The following SOX6 variants were observed in gnomAD, a reference collection of about 807,000 sequenced individuals.
SOX6 encodes the protein SRY-box transcription factor 6.
In SOX6, 11 loss-of-function variants were observed where a neutral mutation model predicts 97.8. The observed-to-expected ratio is 0.11, with a 90% CI of 0.07 to 0.19. The LOEUF is 0.19. Among genes scored for constraint, SOX6 ranks in the 10% least tolerant of loss-of-function variants. The pLI is 1.00. For missense variants in SOX6, 810 were observed against 1,039.5 expected, an observed-to-expected ratio of 0.78 and a Z score of 3.04; for synonymous variants, 360 against 371.4, an observed-to-expected ratio of 0.97 and a Z score of 0.35.
At chr11:16,366,471 G>A (rs1267790956) in intron 1 of SOX6, among the ~76,000 whole-genome samples, 1 of 152,018 alleles carries the variant, frequency 6.6e-6, no homozygotes, top group Non-Finnish European at 1.5e-5. Context: ...ACAGGTATGG[G>A]TAATATTATC....
At chr11:16,180,419 T>A (rs1851316831) in intron 6 of SOX6, among the ~76,000 whole-genome samples, 1 of 151,746 alleles carries the variant, frequency 6.6e-6, no homozygotes, top group African/African-American at 2.4e-5. Context: ...AGATCCATAT[T>A]CCATGACCTA....
At chr11:16,407,066 A>G (rs1019588051) in intron 1 of SOX6, among the ~76,000 whole-genome samples, 1 of 152,110 alleles carries the variant, frequency 6.6e-6, no homozygotes, top group Non-Finnish European at 1.5e-5. Context: ...TTTCAAAACT[A>G]CAAACTTTTT....
At chr11:16,379,626 T>C (rs1857749265) in intron 1 of SOX6, among the ~76,000 whole-genome samples, 1 of 151,954 alleles carries the variant, frequency 6.6e-6, no homozygotes, top group African/African-American at 2.4e-5. Context: ...TGAGGAAAAA[T>C]GAGTACTCTT....
intron 2 of SOX6, among the ~76,000 whole-genome samples, chr11:16,721,272 G>A (rs1564877163): frequency 6.6e-6 from 1 of 152,168 alleles, no homozygotes; most frequent in Non-Finnish European, 1.5e-5. Context: ...TTGGCACTAT[G>A]GAATGTGAAC....
intron 1 of SOX6, among the ~76,000 whole-genome samples, chr11:16,392,970 CT>C (rs1286661009): frequency 6.6e-6 from 1 of 152,058 alleles, no homozygotes; most frequent in African/African-American, 2.4e-5. Flanking sequence ...ACATTTTAAC[CT>C]GTCAAGTCCC....
intron 3 of SOX6, chr11:16,318,150 A>ACTG (rs1855806616): frequency 7.1e-6 from 3 of 423,992 alleles, no homozygotes; most frequent in Non-Finnish European, 1.3e-5. Flanking sequence ...AGTTGCAGTT[A>ACTG]GGAAAATTCT....
rs1649743809 is a variant in SOX6 at position 16,095,977 on chromosome 11, T to C, written c.1101+19A>G. On this transcript the variant is annotated intron_variant, in intron 9 of 15. Coordinates refer to ENST00000683767, the MANE Select transcript of SOX6 (RefSeq NM_001367873.1). ...ATCCAGTCCCCAACCCAATGAAGCA[T>C]CAATGGAAGCATTCATACCTCAATC... The C allele has an allele frequency of 2.5e-6, 4 of 1,574,644 alleles. No individual in the cohort carries two copies. The highest frequency in any genetic ancestry group is 3.5e-6 in the Non-Finnish European group (4 of 1,153,904).
intron 3 of SOX6, among the ~76,000 whole-genome samples, chr11:16,661,918 T>G (rs1307413497): frequency 6.6e-6 from 1 of 152,202 alleles, no homozygotes; most frequent in African/African-American, 2.4e-5. Flanking sequence ...GATATCCTTA[T>G]AGCAGATTAT....
intron 12 of SOX6, chr11:16,015,311 C>T: frequency 2.0e-6 from 1 of 503,408 alleles, no homozygotes; most frequent in Non-Finnish European, 3.6e-6. Context: ...CATATCTTCT[C>T]TCTGTCGGAT....
chr11:16,030,406 A>T (rs1261328010), intron 12 of SOX6, among the ~76,000 whole-genome samples: 3 of 152,328 alleles, frequency 2.0e-5, no homozygotes, highest in African/African-American at 7.2e-5. Flanking sequence ...TATTGTTCTA[A>T]ACAGTTACAT....
At chr11:16,425,442 C>T (rs550557136) in intron 1 of SOX6, among the ~76,000 whole-genome samples, 65 of 152,234 alleles carry the variant, frequency 4.3e-4, no homozygotes, top group Non-Finnish European at 7.8e-4. Flanking sequence ...TCCTATTCAG[C>T]GTAGTATTGG....
intron 4 of SOX6, among the ~76,000 whole-genome samples, chr11:16,508,400 C>A (rs1191866422): frequency 6.6e-6 from 1 of 152,132 alleles, no homozygotes; most frequent in Non-Finnish European, 1.5e-5. Context: ...GATACCTACA[C>A]CTCCATGTTT....
chr11:16,022,643 C>T (rs760628049), intron 12 of SOX6, among the ~76,000 whole-genome samples: 1 of 152,064 alleles, frequency 6.6e-6, no homozygotes, highest in East Asian at 1.9e-4. Flanking sequence ...GAACTCCTGA[C>T]CTCAGGTGAT....
At position 16,531,214 on chromosome 11, in the gene SOX6, T is replaced by C. The variant is rs552666296; in HGVS notation, n.610-54826A>G. The stretch of plus-strand genomic sequence containing the variant: ...AAAATATATATACATATATGAGGAT[T>C]TTCAAGACAACAAATCCCAGTTAAA... On this transcript the variant is annotated intron_variant and non_coding_transcript_variant, in intron 4 of 5. Coordinates refer to the SOX6 transcript ENST00000524520. 8.7e-4 allele frequency among the ~76,000 whole-genome samples: 132 copies of C among 151,062 alleles called. No homozygotes were observed. In the Middle Eastern group the frequency reaches 0.01, roughly 12 times the overall value.
chr11:16,178,165 G>T (rs868207195), intron 6 of SOX6, among the ~76,000 whole-genome samples: 4 of 151,920 alleles, frequency 2.6e-5, no homozygotes, highest in Admixed American at 6.6e-5. Context: ...ATTTTTAGGC[G>T]CATTCCAACT....
At chr11:16,505,969 G>A (rs964432312) in intron 4 of SOX6, among the ~76,000 whole-genome samples, 6 of 152,212 alleles carry the variant, frequency 3.9e-5, no homozygotes, top group African/African-American at 1.4e-4. Flanking sequence ...GTATGCTGCA[G>A]GTTCAGAGCA....
In SOX6 at chr11:16,631,310, TG is replaced by T. The variant is rs1848703780; in HGVS notation, n.430-19051del. On this transcript the variant is annotated intron_variant and non_coding_transcript_variant, in intron 3 of 5. Transcript: ENST00000524520. ...CAAATTCACTTAGTGTTAGCTTGTCTGGAAAATATTTTTTATTTCTCTTTCA... is the reference window on the plus strand; with the variant it reads ...CAAATTCACTTAGTGTTAGCTTGTCTGAAAATATTTTTTATTTCTCTTTCA... Among the ~76,000 whole-genome samples, 5 of 152,352 alleles carry T rather than the reference TG, an allele frequency of 3.3e-5. No individual in the cohort carries two copies. The South Asian group carries it at 1.0e-3, about 32-fold the overall frequency.
chr11:16,554,125 T>A (rs182936126), intron 4 of SOX6, among the ~76,000 whole-genome samples: 2 of 152,238 alleles, frequency 1.3e-5, no homozygotes, highest in East Asian at 3.9e-4. Context: ...TGAAATACTG[T>A]ATGCAACTTG....
At chr11:16,357,570 A>C (rs1857106578), upstream of SOX6, among the ~76,000 whole-genome samples, 1 of 152,182 alleles carries the variant, frequency 6.6e-6, no homozygotes, top group Non-Finnish European at 1.5e-5. Flanking sequence ...AGGGACCACA[A>C]GCCAATAAAG....
Sources: allele counts gnomAD v4.1 joint callset (sites outside exome capture counted in the v4.1 genomes callset), GRCh38; gene constraint gnomAD v4.1.1; transcripts MANE v1.5; gene names NCBI Gene and HGNC (gene_info 2026-07-23, HGNC 2026-07-21).